The following CTDP1 variants were observed in gnomAD, a reference collection of about 807,000 sequenced individuals.
The protein encoded by CTDP1 is CTD phosphatase 1.
Under a neutral mutation model 91.8 loss-of-function variants are expected in CTDP1, and 47 were observed. The ratio of observed to expected loss-of-function variants is 0.51; its 90% CI spans 0.41 to 0.65. The LOEUF is 0.65. CTDP1 is among the 30% of genes least tolerant of loss of function. The probability of loss-of-function intolerance (pLI) is 0.00; values close to 1 mark genes in which losing one functional copy is unlikely to be tolerated. For synonymous variants in CTDP1, 656 were observed against 598.5 expected, an observed-to-expected ratio of 1.10 and a Z score of -1.40; for missense variants, 1,272 against 1,373.7, an observed-to-expected ratio of 0.93 and a Z score of 1.17.
At chr18:79,712,848 G>A (rs558338309) in intron 6 of CTDP1, 124 bp from the exon 7 acceptor site, 689 of 1,037,214 alleles carry the variant, frequency 6.6e-4, no homozygotes, top group Non-Finnish European at 8.8e-4. Context: ...GTTGGTGTCC[G>A]TCTGATTAAC....
Position 79,715,331 on chromosome 18 carries a change from A to G in CTDP1, c.1871A>G (p.Lys624Arg). 1 of 1,609,202 alleles carries G rather than the reference A, an allele frequency of 6.2e-7. No homozygotes were observed. The highest frequency in any genetic ancestry group is 8.5e-7 in the Non-Finnish European group (1 of 1,177,688). ...ATCGAGGAGGCGCCGGACATCCGCA[A>G]GATCGTGCCGGAGCTCAAGAGCAAG... The part of the protein sequence containing the change: ...KEIEEAPDIR[K>R]IVPELKSKVL... Residue 624 changes from lysine to arginine, a missense_variant, in exon 8 of 13, where the codon AAG (lysine) becomes AGG (arginine). Around this residue, in one of 3 missense-constraint regions of CTDP1, gnomAD observed 881 missense variants for 911.6 expected, o/e 0.97. Transcript: ENST00000613122.
chr18:79,715,742 G>A (rs996556396), intron 8 of CTDP1, among the ~76,000 whole-genome samples: 2 of 152,234 alleles, frequency 1.3e-5, no homozygotes, highest in Non-Finnish European at 2.9e-5. Flanking sequence ...CACCATTCAG[G>A]GGTGGGAGTT....
At chr18:79,707,871 G>C (rs147435087) in intron 5 of CTDP1, among the ~76,000 whole-genome samples, 5 of 152,324 alleles carry the variant, frequency 3.3e-5, no homozygotes, top group African/African-American at 1.2e-4. Context: ...GAAAGTGACC[G>C]TGTTGATAGC....
chr18:79,695,209 T>C lies in CTDP1; in HGVS notation c.315-16T>C, dbSNP rs1422256530. 3.1e-6 allele frequency: 5 copies of C among 1,612,608 alleles called. No homozygotes were observed. The highest frequency in any genetic ancestry group is 1.3e-5 in the African/African-American group (1 of 75,012). ...AAGAGATTTTAAAGTGTTGTTCCCC[T>C]TGTGTTTTTTTGTAGAGCGGTTCTG... On this transcript the variant is annotated splice_polypyrimidine_tract_variant and intron_variant, in intron 1 of 12. Coordinates refer to ENST00000613122, the MANE Select transcript of CTDP1 (RefSeq NM_004715.5).
At chr18:79,694,309 G>C (rs546257915) in intron 1 of CTDP1, among the ~76,000 whole-genome samples, 1 of 99,274 alleles carries the variant, frequency 1.0e-5, no homozygotes, top group Non-Finnish European at 2.1e-5. Flanking sequence ...TCATGTCCAC[G>C]GGGTGGGGTG....
At chr18:79,714,114 G>A (rs963504443) in intron 7 of CTDP1, among the ~76,000 whole-genome samples, 6 of 152,052 alleles carry the variant, frequency 3.9e-5, no homozygotes, top group African/African-American at 7.3e-5. Context: ...TCTGCAGCCC[G>A]GAAACCTCTA....
chr18:79,708,361 T>C (rs2086010583), intron 5 of CTDP1, among the ~76,000 whole-genome samples: 1 of 152,250 alleles, frequency 6.6e-6, no homozygotes, highest in Non-Finnish European at 1.5e-5. Context: ...GAGGTGGTGG[T>C]GCAGAGGTTG....
At chr18:79,740,578 A>G (rs922680488) in intron 12 of CTDP1, among the ~76,000 whole-genome samples, 3 of 152,196 alleles carry the variant, frequency 2.0e-5, no homozygotes, top group African/African-American at 4.8e-5. Context: ...ATGCGTGGCA[A>G]TGCGTTTCGT....
At chr18:79,732,797 T>C (rs1327707124) in intron 11 of CTDP1, among the ~76,000 whole-genome samples, 1 of 148,424 alleles carries the variant, frequency 6.7e-6, no homozygotes, top group East Asian at 2.0e-4. Flanking sequence ...AAGAACTCCC[T>C]AACAGGAGTG....
intron 8 of CTDP1, among the ~76,000 whole-genome samples, chr18:79,716,296 C>T (rs1365582234): frequency 6.6e-6 from 1 of 152,224 alleles, no homozygotes; most frequent in Non-Finnish European, 1.5e-5. Context: ...GAGCTCATCC[C>T]TGTCCACGCA....
intron 1 of CTDP1, chr18:79,685,194 G>A (rs1257774465): frequency 6.6e-6 from 1 of 152,290 alleles, no homozygotes; most frequent in Non-Finnish European, 1.5e-5. Context: ...GATTCCTAGT[G>A]TGGGGGGAGT....
intron 1 of CTDP1, among the ~76,000 whole-genome samples, chr18:79,685,009 G>A (rs62097708): frequency 0.085 from 3,315 of 39,082 alleles, 178 homozygotes; most frequent in South Asian, 0.16. Flanking sequence ...TGAGGAGGAC[G>A]GTGCAGGGAC....
At chr18:79,690,399 A>C (rs2085595844) in intron 1 of CTDP1, among the ~76,000 whole-genome samples, 1 of 152,216 alleles carries the variant, frequency 6.6e-6, no homozygotes, top group Non-Finnish European at 1.5e-5. Flanking sequence ...ACAAACCAGA[A>C]AACATTTATT....
At chr18:79,710,495 T>G in intron 6 of CTDP1, 59 bp downstream of exon 6, 1 of 1,294,424 alleles carries the variant, frequency 7.7e-7, no homozygotes, top group Non-Finnish European at 1.1e-6. Context: ...ATTTCAAAAA[T>G]CGCATCTTGA....
chr18:79,696,441 CT>C (rs1161452702), intron 3 of CTDP1, among the ~76,000 whole-genome samples: 2 of 151,994 alleles, frequency 1.3e-5, no homozygotes, highest in Admixed American at 6.6e-5. Flanking sequence ...GGTGGCCGCG[CT>C]GCCGAGGCAT....
chr18:79,726,833 G>T (rs9949368), intron 10 of CTDP1, among the ~76,000 whole-genome samples: 1,024 of 96,912 alleles, frequency 0.011, 14 homozygotes, highest in African/African-American at 0.032. Context: ...GGCTGTGGGG[G>T]ATGGGGGTGA....
chr18:79,694,987 A>C (rs560104634), intron 1 of CTDP1, among the ~76,000 whole-genome samples: 2 of 152,278 alleles, frequency 1.3e-5, no homozygotes, highest in South Asian at 2.1e-4. Context: ...CACGGGTGGC[A>C]CGGGGGTGGT....
chr18:79,680,030 C>T lies in CTDP1; in HGVS notation c.83C>T (p.Ala28Val). The stretch of plus-strand genomic sequence containing the variant: ...GCCGAGGTGCGCTGCCCGGGGCCCG[C>T]GCCGCTGCGCCTGCTGGAGTGGAGG... Reference protein sequence around the residue: ...AVAEVRCPGPAPLRLLEWRVA... With the variant: ...AVAEVRCPGPVPLRLLEWRVA... The change falls in exon 1 of 13, where the codon GCG (alanine) becomes GTG (valine). Residue 28 changes from alanine (A) to valine (V), a missense_variant. Ala to Val is a moderately conservative substitution (Grantham distance 64). This residue lies in a region of CTDP1 where 214 missense variants were observed against 179.1 expected (regional missense o/e 1.19). Transcript: ENST00000613122. 7 of 1,258,554 alleles carry T rather than the reference C, an allele frequency of 5.6e-6. No homozygotes were observed. Among genetic ancestry groups the T allele is most frequent in the Non-Finnish European group, 7.0e-6 (7 of 1,006,128 alleles). The allele number at this position is 1,258,554 out of a possible 1,614,324, so 78.0% of individuals were successfully genotyped here.
chr18:79,693,034 G>C (rs928992537), intron 1 of CTDP1, among the ~76,000 whole-genome samples: 1 of 152,196 alleles, frequency 6.6e-6, no homozygotes, highest in Non-Finnish European at 1.5e-5. Context: ...CAGCTCAGCC[G>C]GGGAGTTGGG....
Sources: allele counts gnomAD v4.1 joint callset (sites outside exome capture counted in the v4.1 genomes callset), GRCh38; gene constraint gnomAD v4.1.1; regional missense constraint gnomAD v4.1.1; transcripts MANE v1.5; gene names NCBI Gene and HGNC (gene_info 2026-07-23, HGNC 2026-07-21).